The following TTLL1 variants were observed in gnomAD, a reference collection of about 807,000 sequenced individuals.
TTLL1 encodes polyglutamylase complex subunit TTLL1.
Under a neutral mutation model 47.8 loss-of-function variants are expected in TTLL1, and 33 were observed. The observed-to-expected ratio is 0.69, with a 90% CI of 0.52 to 0.92. The LOEUF (loss-of-function observed/expected upper bound fraction) is 0.92, where lower values mean the gene tolerates loss of function less well. TTLL1 is among the 40% of genes least tolerant of loss of function. The probability of loss-of-function intolerance (pLI) is 0.00; values close to 1 mark genes in which losing one functional copy is unlikely to be tolerated. For missense variants in TTLL1, 488 were observed against 547.5 expected, an observed-to-expected ratio of 0.89 and a Z score of 1.08; for synonymous variants, 225 against 214.1, an observed-to-expected ratio of 1.05 and a Z score of -0.45.
chr22:43,052,523 T>G (rs1477948805), intron 8 of TTLL1, among the ~76,000 whole-genome samples: 1 of 152,078 alleles, frequency 6.6e-6, no homozygotes, highest in East Asian at 1.9e-4. Flanking sequence ...GAGGATCACT[T>G]GAGCCCAGGA....
At chr22:43,072,770 G>A (rs887966848) in intron 3 of TTLL1, among the ~76,000 whole-genome samples, 3 of 151,910 alleles carry the variant, frequency 2.0e-5, no homozygotes, top group African/African-American at 7.3e-5. Context: ...CTGCACCCAG[G>A]CACCCCACCA....
At position 43,059,544 on chromosome 22, in the gene TTLL1, G is replaced by T; in HGVS notation, c.748-17C>A. The stretch of plus-strand genomic sequence containing the variant: ...GTAGTCCTCCTGGTGACGGGAAAGC[G>T]GGCAGGCATCCCTCAGGCTATGCAC... On this transcript the variant is annotated splice_polypyrimidine_tract_variant and intron_variant, in intron 7 of 10. Coordinates refer to ENST00000266254, the MANE Select transcript of TTLL1 (RefSeq NM_012263.5). The T allele has an allele frequency of 6.2e-7, 1 of 1,607,622 alleles. No homozygotes were observed. The highest frequency in any genetic ancestry group is 8.5e-7 in the Non-Finnish European group (1 of 1,176,962).
rs1927244362 is a variant in TTLL1 at position 43,059,364 on chromosome 22, C to G, written c.891+20G>C. The G allele has an allele frequency of 6.3e-7, 1 of 1,598,776 alleles. No individual in the cohort carries two copies. Among genetic ancestry groups the G allele is most frequent in the Non-Finnish European group, 8.5e-7 (1 of 1,172,426 alleles). Reference sequence around the variant, plus strand: ...CAAACGGGCCCTGGGAGCCGGCTCCCCCGCCCGCACCAAACTCACCGCCAC... The same window carrying G: ...CAAACGGGCCCTGGGAGCCGGCTCCGCCGCCCGCACCAAACTCACCGCCAC... On this transcript the variant is annotated intron_variant, in intron 8 of 10. Transcript: ENST00000266254.
At position 43,075,592 on chromosome 22, in the gene TTLL1, T is replaced by C; in HGVS notation, c.-4-2A>G. 3 of 1,613,148 alleles carry C rather than the reference T, an allele frequency of 1.9e-6. No homozygotes were observed. Among genetic ancestry groups the C allele is most frequent in the Non-Finnish European group, 2.5e-6 (3 of 1,179,074 alleles). On this transcript the variant is annotated splice_acceptor_variant, in intron 2 of 10. Transcript: ENST00000266254. LOFTEE classifies it low-confidence loss of function (5UTR_SPLICE). ...CATTTTACTTTCCCTGCCATAATCCTGGAAGAGATCAAAATATTAGAGATA... is the reference window on the plus strand; with the variant it reads ...CATTTTACTTTCCCTGCCATAATCCCGGAAGAGATCAAAATATTAGAGATA...
chr22:43,067,886 C>G (rs1927843135), intron 5 of TTLL1, among the ~76,000 whole-genome samples: 1 of 151,888 alleles, frequency 6.6e-6, no homozygotes, highest in African/African-American at 2.4e-5. Flanking sequence ...TCACTGCAAC[C>G]TCTGCCTTCT....
Position 43,052,150 on chromosome 22 carries a change from C to T in TTLL1, c.892-263G>A, listed in dbSNP as rs376704769. 4.3e-5 allele frequency: 20 copies of T among 464,838 alleles called. 1 individual carries two copies. Among genetic ancestry groups the T allele is most frequent in the African/African-American group, 3.6e-4 (18 of 50,634 alleles). 28.8% of individuals were successfully genotyped at this position (464,838 alleles called of 1,614,324 possible). On this transcript the variant is annotated intron_variant, in intron 8 of 10. Transcript: ENST00000266254. Reference sequence around the variant, plus strand: ...TCTCACTCATCAGAGGCTTGACTAGCACCCAACCCCTCTGTTGGCGTGAGA... The same window carrying T: ...TCTCACTCATCAGAGGCTTGACTAGTACCCAACCCCTCTGTTGGCGTGAGA...
chr22:43,083,238 G>A (rs1442191567), intron 1 of TTLL1, among the ~76,000 whole-genome samples: 10 of 151,984 alleles, frequency 6.6e-5, no homozygotes, highest in African/African-American at 1.7e-4. Flanking sequence ...GCATGGTGGC[G>A]GGCGCCTGTA....
At chr22:43,069,934 C>G (rs116439621) in intron 3 of TTLL1, 90 bp from the exon 4 acceptor site, 22,020 of 1,521,294 alleles carry the variant, frequency 0.014, 381 homozygotes, top group African/African-American at 0.076. Flanking sequence ...CCTGAACCCT[C>G]AGCACCCTTC....
intron 2 of TTLL1, among the ~76,000 whole-genome samples, chr22:43,079,482 A>G (rs1395124637): frequency 6.6e-6 from 1 of 152,224 alleles, no homozygotes; most frequent in Non-Finnish European, 1.5e-5. Context: ...CATTTTCACT[A>G]TGTGATTTCA....
At chr22:43,073,616 A>G (rs993424765) in intron 3 of TTLL1, among the ~76,000 whole-genome samples, 2 of 152,034 alleles carry the variant, frequency 1.3e-5, no homozygotes, top group African/African-American at 4.8e-5. Context: ...TTGGCCTCCC[A>G]AAGTGCTGGG....
At chr22:43,040,808 A>G (rs1216636139) in intron 10 of TTLL1, among the ~76,000 whole-genome samples, 1 of 152,156 alleles carries the variant, frequency 6.6e-6, no homozygotes, top group African/African-American at 2.4e-5. Flanking sequence ...GCGTGTGCTA[A>G]GGAGGCAGCA....
chr22:43,066,073 C>T (rs772341879), intron 5 of TTLL1, among the ~76,000 whole-genome samples: 5 of 150,798 alleles, frequency 3.3e-5, no homozygotes, highest in Non-Finnish European at 5.9e-5. Flanking sequence ...GCAGGAGAAT[C>T]GCTTGAACCT....
intron 2 of TTLL1, among the ~76,000 whole-genome samples, chr22:43,076,068 G>T (rs923259738): frequency 1.3e-5 from 2 of 152,214 alleles, no homozygotes; most frequent in East Asian, 3.8e-4. Context: ...ACTTCCGATG[G>T]GTGAGTGGGG....
chr22:43,084,793 G>A (rs989472507), intron 1 of TTLL1, among the ~76,000 whole-genome samples: 1 of 151,958 alleles, frequency 6.6e-6, no homozygotes, highest in Non-Finnish European at 1.5e-5. Flanking sequence ...GAGCCACTGT[G>A]CCCAGCCTTT....
chr22:43,062,548 C>T (rs994345274), intron 7 of TTLL1, among the ~76,000 whole-genome samples: 5 of 149,512 alleles, frequency 3.3e-5, no homozygotes, highest in Admixed American at 6.7e-5. Flanking sequence ...CATTATTTAA[C>T]GCCAGGCGCA....
intron 5 of TTLL1, among the ~76,000 whole-genome samples, chr22:43,065,446 T>C (rs969579216): frequency 2.6e-5 from 4 of 151,916 alleles, no homozygotes; most frequent in Admixed American, 1.3e-4. Flanking sequence ...CCAGCCACCA[T>C]GCCTGGCTAA....
chr22:43,041,588 C>T (rs1201890040), intron 10 of TTLL1, among the ~76,000 whole-genome samples: 1 of 146,468 alleles, frequency 6.8e-6, no homozygotes, highest in Non-Finnish European at 1.5e-5. Flanking sequence ...GATCTTGGCT[C>T]ACTGCAACCT....
intron 3 of TTLL1, among the ~76,000 whole-genome samples, chr22:43,071,704 C>T (rs1459860388): frequency 1.3e-5 from 2 of 152,216 alleles, no homozygotes; most frequent in Admixed American, 6.5e-5. Flanking sequence ...GCCACCATGC[C>T]GGCCTATAAT....
At chr22:43,044,955 C>T (rs536430267) in intron 10 of TTLL1, among the ~76,000 whole-genome samples, 88 of 152,006 alleles carry the variant, frequency 5.8e-4, no homozygotes, top group African/African-American at 1.7e-3. Flanking sequence ...CTCCGCCTCC[C>T]GGGTTCAAGC....
Sources: allele counts gnomAD v4.1 joint callset (sites outside exome capture counted in the v4.1 genomes callset), GRCh38; gene constraint gnomAD v4.1.1; transcripts MANE v1.5; gene names NCBI Gene and HGNC (gene_info 2026-07-23, HGNC 2026-07-21).